SPAG17: variants seen among roughly 807,000 people sequenced by gnomAD.
The protein encoded by SPAG17 is sperm-associated antigen 17.
In SPAG17, 169 loss-of-function variants were observed where a neutral mutation model predicts 273.6. The ratio of observed to expected loss-of-function variants is 0.62; its 90% confidence interval spans 0.55 to 0.70. SPAG17 has a LOEUF of 0.70. Ranked by LOEUF, SPAG17 falls within the 30% of genes least tolerant of loss-of-function variation. SPAG17 has a pLI of 0.00. For synonymous variants in SPAG17, 825 were observed against 873.2 expected, an observed-to-expected ratio of 0.94 and a Z score of 0.97; for missense variants, 2,557 against 2,627.8, an observed-to-expected ratio of 0.97 and a Z score of 0.59.
chr1:118,035,958 C>T (rs925516724), intron 24 of SPAG17, among the ~76,000 whole-genome samples: 1 of 152,028 alleles, frequency 6.6e-6, no homozygotes. Flanking sequence ...TTTGGGAGGC[C>T]AAGGTAGGAG....
At chr1:118,148,432 A>G (rs369007786) in intron 3 of SPAG17, among the ~76,000 whole-genome samples, 1 of 152,184 alleles carries the variant, frequency 6.6e-6, no homozygotes, top group Non-Finnish European at 1.5e-5. Flanking sequence ...GCCAGCTTTT[A>G]TTCCCTTATT....
intron 47 of SPAG17, chr1:117,965,757 G>C (rs1186426304): frequency 6.6e-6 from 1 of 152,160 alleles, no homozygotes; most frequent in Non-Finnish European, 1.5e-5. Context: ...CACAGGGTCA[G>C]GAATCTGCAG....
At position 118,055,923 on chromosome 1, in the gene SPAG17, A is replaced by G. The variant is rs774455251; in HGVS notation, c.2541-9T>C. On this transcript the variant is annotated splice_polypyrimidine_tract_variant and intron_variant, in intron 18 of 48. Transcript: ENST00000336338. ...CAAGTTCCAAATAATTCCTAAACAA[A>G]CCAATAGCAGACGTCAATTGAGTTA... 1.9e-6 allele frequency: 3 copies of G among 1,595,832 alleles called. No homozygotes were observed. Among genetic ancestry groups the G allele is most frequent in the South Asian group, 2.3e-5 (2 of 87,736 alleles).
chr1:118,091,562 A>T, intron 10 of SPAG17, 44 bp downstream of exon 10: 1 of 1,076,036 alleles, frequency 9.3e-7, no homozygotes, highest in Non-Finnish European at 1.4e-6. Flanking sequence ...AGGAAAGATG[A>T]AACGACTTAC....
rs747613975 is a variant in SPAG17, at chr1:118,055,721, C to G, written c.2722+12G>C. ...AATTTTATTCTACGTATAAGTTGAA[C>G]TGGTTACTTACTTTTAGATTCTTTA... On this transcript the variant is annotated intron_variant, in intron 19 of 48. Coordinates refer to ENST00000336338, the MANE Select transcript of SPAG17 (RefSeq NM_206996.4). 1.3e-5 allele frequency: 21 copies of G among 1,586,078 alleles called. No homozygotes were observed. Among genetic ancestry groups the G allele is most frequent in the South Asian group, 1.1e-4 (10 of 88,438 alleles).
intron 1 of SPAG17, among the ~76,000 whole-genome samples, chr1:118,165,795 G>A (rs1008548047): frequency 1.3e-5 from 2 of 151,752 alleles, no homozygotes; most frequent in East Asian, 1.9e-4. Flanking sequence ...ACAGGCTCCC[G>A]CCACCATGCC....
chr1:118,023,328 A>G lies in SPAG17; in HGVS notation c.4045T>C (p.Ser1349Pro). The stretch of plus-strand genomic sequence containing the variant: ...CCTTTCTTTGTGTTGGTAATCTCAG[A>G]TGGTATCGTTTCTGATTTCTGCTGA... ...ISQQKSETIP[S>P]EITNTKKGKS... is the part of the protein sequence containing the mutation. The change falls in exon 28 of 49, where the codon TCT becomes CCT. Residue 1349 changes from serine (S) to proline (P), a missense_variant. Transcript: ENST00000336338. The G allele has an allele frequency of 6.2e-7, 1 of 1,611,682 alleles. No individual in the cohort carries two copies. The highest frequency in any genetic ancestry group is 8.5e-7 in the Non-Finnish European group (1 of 1,178,598).
intron 40 of SPAG17, among the ~76,000 whole-genome samples, chr1:117,985,587 C>T (rs1233798638): frequency 6.6e-6 from 1 of 152,092 alleles, no homozygotes; most frequent in African/African-American, 2.4e-5. Context: ...CCATCAACTG[C>T]CCACCTCTGA....
intron 48 of SPAG17, among the ~76,000 whole-genome samples, chr1:117,957,784 A>G (rs1329352580): frequency 6.6e-6 from 1 of 152,198 alleles, no homozygotes; most frequent in Non-Finnish European, 1.5e-5. Flanking sequence ...GGGGAGCCAA[A>G]AGGATGGACA....
Position 118,150,546 on chromosome 1 carries a change from A to G in SPAG17, c.312T>C (p.Tyr104=). The G allele has an allele frequency of 6.5e-7, 1 of 1,534,714 alleles. No individual in the cohort carries two copies. Among genetic ancestry groups the G allele is most frequent in the Non-Finnish European group, 8.9e-7 (1 of 1,122,164 alleles). Residue 104 remains tyrosine, a synonymous_variant, in exon 3 of 49, where the codon TAT becomes TAC. Transcript: ENST00000336338. ...KPVGGNAPLY[Y]EVLTAAKAIM... Reference sequence around the variant, plus strand: ...TTCTATAAACACTTTCACTTACCTCATAATATAAAGGAGCATTACCACCTA... The same window carrying G: ...TTCTATAAACACTTTCACTTACCTCGTAATATAAAGGAGCATTACCACCTA...
intron 3 of SPAG17, among the ~76,000 whole-genome samples, chr1:118,135,937 T>C (rs1304582887): frequency 6.6e-6 from 1 of 152,168 alleles, no homozygotes; most frequent in Admixed American, 6.5e-5. Flanking sequence ...AACTTTGGAT[T>C]TGGAGTCAGA....
At chr1:118,097,923 G>T in intron 6 of SPAG17, 72 bp from the exon 7 acceptor site, 1 of 1,031,204 alleles carries the variant, frequency 9.7e-7, no homozygotes, top group Non-Finnish European at 1.4e-6. Flanking sequence ...TGAACATGGT[G>T]AGTCATATGC....
intron 17 of SPAG17, among the ~76,000 whole-genome samples, chr1:118,068,081 A>G (rs939592772): frequency 6.6e-6 from 1 of 151,996 alleles, no homozygotes; most frequent in Admixed American, 6.6e-5. Flanking sequence ...TGTTTTCAAT[A>G]TCAATTTGCT....
chr1:118,086,959 G>T lies in SPAG17; in HGVS notation c.1409C>A (p.Ser470Tyr). 6.3e-7 allele frequency: 1 copy of T among 1,591,670 alleles called. No homozygotes were observed. The highest frequency in any genetic ancestry group is 1.1e-5 in the South Asian group (1 of 87,886). The change falls in exon 11 of 49, where the codon TCC (serine) becomes TAC (tyrosine). Residue 470 changes from serine to tyrosine, a missense_variant. Ser to Tyr is a moderately radical substitution (Grantham distance 144). Coordinates refer to ENST00000336338, the MANE Select transcript of SPAG17 (RefSeq NM_206996.4). ...GTGGTCTAGCCCGTCTGCTCTGGGG[G>T]ATGGCTCCCGCAGACTGGGTGGGAC... ...DLVPPSLREP[S>Y]PRADGLDHRI...
chr1:118,164,802 G>A (rs756944195), intron 1 of SPAG17, among the ~76,000 whole-genome samples: 4 of 152,118 alleles, frequency 2.6e-5, no homozygotes, highest in Non-Finnish European at 4.4e-5. Context: ...CTGCTCTCAG[G>A]CAAATTGCTC....
chr1:118,147,602 C>T (rs1659090321), intron 3 of SPAG17, among the ~76,000 whole-genome samples: 1 of 152,132 alleles, frequency 6.6e-6, no homozygotes, highest in Non-Finnish European at 1.5e-5. Context: ...TACATTAGCA[C>T]AAATCTAAGC....
chr1:117,990,451 A>C (rs987803812), intron 38 of SPAG17, among the ~76,000 whole-genome samples: 4 of 152,196 alleles, frequency 2.6e-5, no homozygotes, highest in African/African-American at 4.8e-5. Flanking sequence ...AACTACTTGC[A>C]CTACATACAG....
intron 3 of SPAG17, among the ~76,000 whole-genome samples, chr1:118,140,179 A>C (rs559302154): frequency 1.3e-5 from 2 of 152,266 alleles, no homozygotes; most frequent in Non-Finnish European, 2.9e-5. Context: ...TAAATTACCC[A>C]ATTTCAGGTA....
chr1:118,183,071 CA>C (rs920793398), intron 1 of SPAG17, among the ~76,000 whole-genome samples: 30 of 152,054 alleles, frequency 2.0e-4, no homozygotes, highest in African/African-American at 7.2e-4. Context: ...AACATGAGTT[CA>C]AAAATACTAT....
Sources: allele counts gnomAD v4.1 joint callset (sites outside exome capture counted in the v4.1 genomes callset), GRCh38; gene constraint gnomAD v4.1.1; transcripts MANE v1.5; gene names NCBI Gene and HGNC (gene_info 2026-07-23, HGNC 2026-07-21).